PBX4: variants seen among roughly 807,000 people sequenced by gnomAD.
PBX4 encodes pre-B-cell leukemia transcription factor 4.
A neutral mutation model predicts 35.1 loss-of-function variants in PBX4; 26 were observed. The observed-to-expected ratio is 0.74, with a 90% confidence interval of 0.54 to 1.03. The LOEUF (loss-of-function observed/expected upper bound fraction) is 1.03. PBX4 is among the 50% of genes least tolerant of loss of function. The pLI is 0.00. For synonymous variants in PBX4, 199 were observed against 204.2 expected, an observed-to-expected ratio of 0.97 and a Z score of 0.22; for missense variants, 448 against 504.3, an observed-to-expected ratio of 0.89 and a Z score of 1.07.
chr19:19,573,621 A>T (rs984271605), intron 2 of PBX4, among the ~76,000 whole-genome samples: 3 of 152,214 alleles, frequency 2.0e-5, no homozygotes, highest in Non-Finnish European at 2.9e-5. Flanking sequence ...TAATTTGATA[A>T]TAAGAACATA....
At chr19:19,583,996 G>A (rs879674630) in intron 2 of PBX4, among the ~76,000 whole-genome samples, 16 of 152,184 alleles carry the variant, frequency 1.1e-4, no homozygotes, top group Admixed American at 9.2e-4. Flanking sequence ...TTGAACCCAC[G>A]AGGCGGAGGT....
chr19:19,599,123 C>T (rs1160438175), intron 2 of PBX4, among the ~76,000 whole-genome samples, 169 bp downstream of exon 2: 1 of 152,022 alleles, frequency 6.6e-6, no homozygotes, highest in Non-Finnish European at 1.5e-5. Flanking sequence ...CATGCGTCAC[C>T]ACGCCTGGCT....
intron 1 of PBX4, among the ~76,000 whole-genome samples, chr19:19,604,940 C>T (rs553967295): frequency 2.0e-5 from 3 of 151,972 alleles, no homozygotes; most frequent in East Asian, 1.9e-4. Flanking sequence ...ATTGATCACA[C>T]GAGATATTCA....
intron 1 of PBX4, among the ~76,000 whole-genome samples, chr19:19,616,482 A>G (rs1401571543): frequency 6.6e-6 from 1 of 151,452 alleles, no homozygotes; most frequent in African/African-American, 2.4e-5. Context: ...ACGCCCAGCT[A>G]ATTTTCGTAT....
In PBX4 at chr19:19,571,001, C is replaced by T. The variant is rs926590333; in HGVS notation, c.194-168G>A. The T allele has an allele frequency of 2.6e-5, 22 of 855,836 alleles. 1 individual carries two copies. The highest frequency in any genetic ancestry group is 6.7e-4 in the Middle Eastern group (2 of 3,000). 53.0% of individuals were successfully genotyped at this position (855,836 alleles called of 1,614,324 possible). On this transcript the variant is annotated intron_variant, in intron 2 of 7. Transcript: ENST00000251203. ...ATTGGATGATGGACACTGAGCACCC[C>T]GCTAAGACATGGGTCCAAGTGCCAT...
intron 1 of PBX4, among the ~76,000 whole-genome samples, chr19:19,618,189 G>A (rs1286283039): frequency 6.6e-6 from 1 of 151,924 alleles, no homozygotes; most frequent in Non-Finnish European, 1.5e-5. Flanking sequence ...CCAGCCGCAG[G>A]AGTCCCATTA....
chr19:19,604,194 G>C (rs1304740357), intron 1 of PBX4, among the ~76,000 whole-genome samples: 1 of 151,968 alleles, frequency 6.6e-6, no homozygotes, highest in Non-Finnish European at 1.5e-5. Flanking sequence ...TGAGAGGTTG[G>C]GCATGGTGGC....
At chr19:19,599,266 C>A (rs1330050245) in intron 2 of PBX4, 26 bp downstream of exon 2, 1 of 1,598,294 alleles carries the variant, frequency 6.3e-7, no homozygotes, top group South Asian at 1.1e-5. Flanking sequence ...CACGCTCGGC[C>A]AGAAAGTGTC....
At chr19:19,567,644 G>A (rs1230072234) in intron 5 of PBX4, among the ~76,000 whole-genome samples, 2 of 152,166 alleles carry the variant, frequency 1.3e-5, no homozygotes, top group African/African-American at 4.8e-5. Context: ...TGCTGCCATA[G>A]GCTGCCTGGA....
intron 1 of PBX4, among the ~76,000 whole-genome samples, chr19:19,617,927 A>G (rs1246941499): frequency 6.6e-6 from 1 of 152,052 alleles, no homozygotes; most frequent in Non-Finnish European, 1.5e-5. Flanking sequence ...GCACTTAGGG[A>G]GGCCGAGACG....
intron 2 of PBX4, 116 bp from the exon 3 acceptor site, chr19:19,570,949 G>A: frequency 7.4e-7 from 1 of 1,347,952 alleles, no homozygotes; most frequent in East Asian, 2.3e-5. Context: ...CCCTTCGGGA[G>A]AAAGGAATAC....
Position 19,569,495 on chromosome 19 carries a change from T to A in PBX4, c.722A>T (p.Glu241Val). Residue 241 changes from glutamate (E) to valine (V), a missense_variant, in exon 5 of 8, where the codon GAA (glutamate) becomes GTA (valine). By Grantham distance (121) the Glu-to-Val change is moderately radical. Transcript: ENST00000251203. ...CTTCCTGGCCAGCTCTTCTTTGGCT[T>A]CTTCGCTGGGGTAAGGGTTGTTCAG... Reference protein sequence around the residue: ...SHLNNPYPSEEAKEELARKGG... With the variant: ...SHLNNPYPSEVAKEELARKGG... 6.2e-7 allele frequency: 1 copy of A among 1,613,686 alleles called. No individual in the cohort carries two copies. The highest frequency in any genetic ancestry group is 8.5e-7 in the Non-Finnish European group (1 of 1,179,802).
intron 2 of PBX4, among the ~76,000 whole-genome samples, chr19:19,589,009 T>C (rs1485107685): frequency 1.3e-5 from 2 of 151,866 alleles, no homozygotes; most frequent in Non-Finnish European, 2.9e-5. Flanking sequence ...CCACTTGTAG[T>C]CCCAGCTACT....
In PBX4 at chr19:19,618,625, G is replaced by A. The variant is rs1279778130; in HGVS notation, c.5C>T (p.Ala2Val). The change falls in exon 1 of 8, where the codon GCC becomes GTC. Residue 2 changes from alanine (A) to valine (V), a missense_variant. Ala to Val is a moderately conservative substitution (Grantham distance 64, BLOSUM62 0). Transcript: ENST00000251203. Reference sequence around the variant, plus strand: ...CGATGGCGCGGGGCGCGGCGGGGCGGCCATGAGCGGCAGGGCCGGGCGGGC... The same window carrying A: ...CGATGGCGCGGGGCGCGGCGGGGCGACCATGAGCGGCAGGGCCGGGCGGGC... M[A>V]APPRPAPSPP... 5 of 1,239,512 alleles carry A rather than the reference G, an allele frequency of 4.0e-6. No homozygotes were observed. Among genetic ancestry groups the A allele is most frequent in the Non-Finnish European group, 5.1e-6 (5 of 989,816 alleles). 76.8% of individuals were successfully genotyped at this position (1,239,512 alleles called of 1,614,324 possible).
At chr19:19,599,141 G>T (rs2061580028) in intron 2 of PBX4, 151 bp downstream of exon 2, 2 of 590,070 alleles carry the variant, frequency 3.4e-6, no homozygotes, top group Non-Finnish European at 6.0e-6. Flanking sequence ...GCTAATTTTT[G>T]TATTTTTAAT....
intron 2 of PBX4, among the ~76,000 whole-genome samples, chr19:19,585,042 T>A (rs1334322225): frequency 1.3e-5 from 2 of 152,046 alleles, no homozygotes; most frequent in Non-Finnish European, 2.9e-5. Flanking sequence ...GCTTTACCTT[T>A]TAGGCCACAT....
intron 2 of PBX4, among the ~76,000 whole-genome samples, chr19:19,582,253 A>ACCCTCGGCCCTGTG (rs1171070814): frequency 6.6e-6 from 1 of 152,148 alleles, no homozygotes; most frequent in East Asian, 1.9e-4. Context: ...CGAGGGCTCC[A>ACCCTCGGCCCTGTG]CCCTCGGCCC....
intron 2 of PBX4, among the ~76,000 whole-genome samples, chr19:19,583,602 C>A (rs1415306925): frequency 6.6e-6 from 1 of 150,734 alleles, no homozygotes; most frequent in African/African-American, 2.4e-5. Flanking sequence ...CAAAGTAAGA[C>A]CCCCTCTCCC....
intron 2 of PBX4, among the ~76,000 whole-genome samples, chr19:19,587,783 G>A (rs2061500011): frequency 6.6e-6 from 1 of 151,308 alleles, no homozygotes; most frequent in Non-Finnish European, 1.5e-5. Flanking sequence ...GAAGATCTTG[G>A]TTGAGGGAGC....
Sources: gnomAD v4.1 joint callset for allele counts (sites outside exome capture counted in the v4.1 genomes callset) on GRCh38, gnomAD v4.1.1 for gene constraint, MANE v1.5 for transcripts, NCBI Gene and HGNC (gene_info 2026-07-23, HGNC 2026-07-21) for gene names.